The following KIF2A variants were observed in gnomAD, a reference collection of about 807,000 sequenced individuals.
The protein encoded by KIF2A is kinesin-like protein KIF2A.
Under a neutral mutation model 100.2 loss-of-function variants are expected in KIF2A, and 22 were observed. That is an observed-to-expected ratio of 0.22 (90% CI 0.16 to 0.31). KIF2A has a LOEUF of 0.31. KIF2A is among the 10% of genes least tolerant of loss of function. The pLI, the probability that KIF2A is intolerant of heterozygous loss-of-function variation, is 1.00. For synonymous variants in KIF2A, 268 were observed against 285.9 expected (o/e 0.94, Z 0.63); for missense variants, 495 against 898.7 (o/e 0.55, Z 5.74).
At chr5:62,320,502 A>G (rs1746043455) in intron 1 of KIF2A, among the ~76,000 whole-genome samples, 2 of 151,872 alleles carry the variant, frequency 1.3e-5, no homozygotes, top group East Asian at 1.9e-4. Context: ...TTATCCACAC[A>G]GTGTACATTA....
At chr5:62,327,828 C>T (rs1292534217) in intron 1 of KIF2A, among the ~76,000 whole-genome samples, 1 of 152,150 alleles carries the variant, frequency 6.6e-6, no homozygotes, top group Non-Finnish European at 1.5e-5. Context: ...TAGAGTGGAG[C>T]AGGAGTTGGG....
At position 62,306,393 on chromosome 5, in the gene KIF2A, CA is replaced by C; in HGVS notation, c.-79del. The C allele has an allele frequency of 3.4e-6, 3 of 893,258 alleles. No individual in the cohort carries two copies. The highest frequency in any genetic ancestry group is 3.0e-5 in the East Asian group (1 of 33,806). The allele number at this position is 893,258 out of a possible 1,614,324, so 55.3% of individuals were successfully genotyped here. A position where few individuals can be genotyped will look rare whatever the true frequency, so the allele number is the denominator to read the frequency against. ...CCGCGGGCAACCGCTCCCCCTCCCA[CA>C]CCTACCCCGCCCCCTCCCCGCCTTT... On this transcript the variant is annotated 5_prime_UTR_variant, in exon 1 of 21. Transcript: ENST00000407818.
chr5:62,325,585 C>T (rs182088548), intron 1 of KIF2A, among the ~76,000 whole-genome samples: 177 of 152,210 alleles, frequency 1.2e-3, no homozygotes, highest in African/African-American at 4.1e-3. Context: ...GTCAAAACTG[C>T]AACAAGACAC....
At chr5:62,348,309 A>G (rs1236123969) in intron 3 of KIF2A, 142 bp downstream of exon 3, 2 of 704,364 alleles carry the variant, frequency 2.8e-6, no homozygotes, top group Non-Finnish European at 4.6e-6. Flanking sequence ...ATTCATATAT[A>G]TACATACATA....
chr5:62,352,902 CA>C, intron 5 of KIF2A, 192 bp downstream of exon 5: 1 of 462,122 alleles, frequency 2.2e-6, no homozygotes, highest in Non-Finnish European at 3.7e-6. Flanking sequence ...TATTTTGGAG[CA>C]AAAATTTTTT....
intron 1 of KIF2A, among the ~76,000 whole-genome samples, chr5:62,311,399 C>G (rs1745547270): frequency 6.6e-6 from 1 of 152,164 alleles, no homozygotes; most frequent in Non-Finnish European, 1.5e-5. Context: ...TTCACCAAAC[C>G]TAAAATTGTG....
At chr5:62,338,300 T>C (rs1747084683) in intron 1 of KIF2A, among the ~76,000 whole-genome samples, 1 of 152,162 alleles carries the variant, frequency 6.6e-6, no homozygotes, top group African/African-American at 2.4e-5. Context: ...TAAAATTTTA[T>C]TTATTCGAGT....
Position 62,387,517 on chromosome 5 carries a change from C to A in KIF2A, c.*1948C>A, listed in dbSNP as rs1048217127. 2.0e-5 allele frequency: 3 copies of A among 152,040 alleles called. No individual in the cohort carries two copies. The South Asian group carries it at 6.2e-4, about 31-fold the overall frequency. The allele number at this position is 152,040 out of a possible 1,614,324, so 9.4% of individuals were successfully genotyped here. A position where few individuals can be genotyped will look rare whatever the true frequency, so the allele number is the denominator to read the frequency against. ...TACACTATGATGGCTTCATTCTGATCAGGTATTTTAAAAATTAGTACCAGA... is the reference window on the plus strand; with the variant it reads ...TACACTATGATGGCTTCATTCTGATAAGGTATTTTAAAAATTAGTACCAGA... On this transcript the variant is annotated 3_prime_UTR_variant, in exon 21 of 21. Transcript: ENST00000407818.
intron 20 of KIF2A, among the ~76,000 whole-genome samples, chr5:62,382,575 T>C (rs374014000): frequency 1.9e-4 from 29 of 152,198 alleles, no homozygotes; most frequent in African/African-American, 6.5e-4. Context: ...TTTTTTCAGA[T>C]TTTTGAATAT....
At chr5:62,370,250 G>A (rs986440348) in intron 16 of KIF2A, among the ~76,000 whole-genome samples, 3 of 152,108 alleles carry the variant, frequency 2.0e-5, no homozygotes, top group African/African-American at 7.2e-5. Flanking sequence ...AAGTGATTAA[G>A]TTGACAAGTC....
At chr5:62,331,894 A>G (rs932545258) in intron 1 of KIF2A, among the ~76,000 whole-genome samples, 1 of 152,152 alleles carries the variant, frequency 6.6e-6, no homozygotes, top group Non-Finnish European at 1.5e-5. Context: ...TTCTACTACT[A>G]TATTTTCTTA....
At chr5:62,369,247 G>A (rs1230020146) in intron 16 of KIF2A, among the ~76,000 whole-genome samples, 1 of 152,272 alleles carries the variant, frequency 6.6e-6, no homozygotes, top group East Asian at 1.9e-4. Flanking sequence ...AGGAATACCC[G>A]AGACTGGGTA....
rs1202362709 is a variant in KIF2A, at chr5:62,386,861, A to G, written c.*1292A>G. Among the ~76,000 whole-genome samples, 1 of 152,210 alleles carries G rather than the reference A, an allele frequency of 6.6e-6. No individual in the cohort carries two copies. Among genetic ancestry groups the G allele is most frequent in the Admixed American group, 6.5e-5 (1 of 15,280 alleles). The stretch of plus-strand genomic sequence containing the variant: ...AAAACTGGCCACTTTTCATGTAAAT[A>G]TTTTGTTCAAAGATTTGTATATCTC... On this transcript the variant is annotated 3_prime_UTR_variant, in exon 21 of 21. Coordinates refer to ENST00000407818, the MANE Select transcript of KIF2A (RefSeq NM_001098511.3).
chr5:62,366,333 C>A, intron 15 of KIF2A, 81 bp from the exon 16 acceptor site: 1 of 800,182 alleles, frequency 1.2e-6, no homozygotes, highest in Non-Finnish European at 2.1e-6. Flanking sequence ...TAAGATTAGA[C>A]CTAAATGAGC....
intron 1 of KIF2A, among the ~76,000 whole-genome samples, chr5:62,318,556 A>C (rs1268173055): frequency 1.3e-5 from 2 of 152,188 alleles, no homozygotes; most frequent in Non-Finnish European, 2.9e-5. Flanking sequence ...GAGTAATAAC[A>C]TTGCTTTTAA....
chr5:62,330,244 G>A (rs1746566089), intron 1 of KIF2A, among the ~76,000 whole-genome samples: 1 of 152,074 alleles, frequency 6.6e-6, no homozygotes. Context: ...CCAGCTACTT[G>A]GAAGGCTGAG....
chr5:62,353,120 G>A, intron 5 of KIF2A, 155 bp from the exon 6 acceptor site: 1 of 497,806 alleles, frequency 2.0e-6, no homozygotes, highest in Non-Finnish European at 3.6e-6. Flanking sequence ...TTTTGGTAAA[G>A]CAGCTCATTA....
intron 1 of KIF2A, among the ~76,000 whole-genome samples, chr5:62,312,899 A>G (rs1368934592): frequency 1.3e-5 from 2 of 152,224 alleles, no homozygotes; most frequent in Non-Finnish European, 2.9e-5. Flanking sequence ...TGATATCATT[A>G]CCCACTACAA....
rs1742046047 is a variant in KIF2A at position 62,386,755 on chromosome 5, C to G, written c.*1186C>G. The stretch of plus-strand genomic sequence containing the variant: ...TGTTTGGTGAGAATCGCCAAATTCT[C>G]ACTAATACATTGGTATGGTGTAGGG... On this transcript the variant is annotated 3_prime_UTR_variant, in exon 21 of 21. Transcript: ENST00000407818. Among the ~76,000 whole-genome samples the G allele has an allele frequency of 6.6e-6, 1 of 152,202 alleles. No individual in the cohort carries two copies. Among genetic ancestry groups the G allele is most frequent in the African/African-American group, 2.4e-5 (1 of 41,460 alleles).
Sources: gnomAD v4.1 joint callset for allele counts (sites outside exome capture counted in the v4.1 genomes callset) on GRCh38, gnomAD v4.1.1 for gene constraint, MANE v1.5 for transcripts, NCBI Gene and HGNC (gene_info 2026-07-23, HGNC 2026-07-21) for gene names.